ITGA9: variants seen among roughly 807,000 people sequenced by gnomAD.
ITGA9 encodes integrin alpha-9.
A neutral mutation model predicts 127.8 loss-of-function variants in ITGA9; 56 were observed. The ratio of observed to expected loss-of-function variants is 0.44; its 90% CI spans 0.35 to 0.55. The LOEUF (loss-of-function observed/expected upper bound fraction) is 0.55, where lower values mean the gene tolerates loss of function less well. ITGA9 is among the 20% of genes least tolerant of loss of function. The pLI, the probability that ITGA9 is intolerant of heterozygous loss-of-function variation, is 0.00. For missense variants in ITGA9, 1,196 were observed against 1,347.1 expected, an observed-to-expected ratio of 0.89 and a Z score of 1.76; for synonymous variants, 508 against 514.5, an observed-to-expected ratio of 0.99 and a Z score of 0.17.
chr3:37,648,696 T>G (rs1234274541), intron 16 of ITGA9, among the ~76,000 whole-genome samples: 2 of 151,896 alleles, frequency 1.3e-5, no homozygotes, highest in Non-Finnish European at 2.9e-5. Context: ...AACCTGTGCT[T>G]CTCAAGTTGA....
intron 25 of ITGA9, among the ~76,000 whole-genome samples, chr3:37,783,317 A>G (rs1365435654): frequency 1.3e-5 from 2 of 151,944 alleles, no homozygotes; most frequent in African/African-American, 4.8e-5. Context: ...ATCCAAGTTT[A>G]TTTTTATTTA....
At chr3:37,518,509 A>G (rs1248257678) in intron 10 of ITGA9, among the ~76,000 whole-genome samples, 2 of 152,204 alleles carry the variant, frequency 1.3e-5, no homozygotes, top group African/African-American at 4.8e-5. Context: ...TGTGAAGTGA[A>G]TGCCCTTCTG....
At chr3:37,538,744 C>T (rs1258202794) in intron 14 of ITGA9, among the ~76,000 whole-genome samples, 1 of 152,236 alleles carries the variant, frequency 6.6e-6, no homozygotes, top group Non-Finnish European at 1.5e-5. Context: ...GAGTGGTCAG[C>T]ATTTCTTCTT....
chr3:37,481,336 A>G, intron 3 of ITGA9, 148 bp from the exon 4 acceptor site: 1 of 1,015,044 alleles, frequency 9.9e-7, no homozygotes, highest in South Asian at 1.3e-5. Context: ...TCTGATGCCC[A>G]GAAAAGTGCC....
At chr3:37,666,548 C>T (rs947713522) in intron 17 of ITGA9, among the ~76,000 whole-genome samples, 8 of 152,186 alleles carry the variant, frequency 5.3e-5, no homozygotes, top group South Asian at 2.1e-4. Flanking sequence ...GGTTCGCTGG[C>T]GTTCCTCCGC....
At chr3:37,727,171 G>C (rs538391469) in intron 18 of ITGA9, among the ~76,000 whole-genome samples, 13 of 152,182 alleles carry the variant, frequency 8.5e-5, no homozygotes, top group Non-Finnish European at 1.8e-4. Context: ...CATCTTGAGA[G>C]TATTGTACAG....
chr3:37,509,221 C>G (rs770452125), intron 8 of ITGA9, among the ~76,000 whole-genome samples: 1 of 152,208 alleles, frequency 6.6e-6, no homozygotes, highest in Non-Finnish European at 1.5e-5. Context: ...CCCACCCTGT[C>G]CCTAATCCTC....
At chr3:37,667,186 A>G (rs895399370) in intron 17 of ITGA9, among the ~76,000 whole-genome samples, 18 of 152,176 alleles carry the variant, frequency 1.2e-4, no homozygotes, top group African/African-American at 3.9e-4. Flanking sequence ...CAGGAGTATC[A>G]TATCACCTTT....
chr3:37,533,539 T>G, intron 14 of ITGA9, 71 bp downstream of exon 14: 1 of 1,514,118 alleles, frequency 6.6e-7, no homozygotes, highest in Non-Finnish European at 9.1e-7. Flanking sequence ...ATTTCCGATG[T>G]TCCCTGTCGC....
At chr3:37,512,127 T>C (rs1698930719) in intron 8 of ITGA9, among the ~76,000 whole-genome samples, 1 of 8,366 alleles carries the variant, frequency 1.2e-4, no homozygotes, top group East Asian at 5.4e-3. Context: ...CTTCTTTCTT[T>C]TCTTTTCTTT....
intron 26 of ITGA9, among the ~76,000 whole-genome samples, chr3:37,796,691 A>T (rs1293358709): frequency 1.3e-5 from 2 of 152,226 alleles, no homozygotes; most frequent in Non-Finnish European, 2.9e-5. Context: ...CTCCACTTCA[A>T]ATCCCACATC....
rs1697490843 is a variant in ITGA9 at position 37,819,824 on chromosome 3, A to G, written c.*835A>G. The G allele has an allele frequency of 6.6e-6, 1 of 152,236 alleles. No homozygotes were observed. The highest frequency in any genetic ancestry group is 6.5e-5 in the Admixed American group (1 of 15,286). 9.4% of individuals were successfully genotyped at this position (152,236 alleles called of 1,614,324 possible). A position where few individuals can be genotyped will look rare whatever the true frequency, so the allele number is the denominator to read the frequency against. ...GCAATGCCATGTGGTCATCTGGTAA[A>G]CCTCAGAATGGCGTCTCATCCTGGA... On this transcript the variant is annotated 3_prime_UTR_variant, in exon 28 of 28. Coordinates refer to ENST00000264741, the MANE Select transcript of ITGA9 (RefSeq NM_002207.3).
At chr3:37,741,316 G>C (rs1455048876) in intron 20 of ITGA9, among the ~76,000 whole-genome samples, 1 of 149,134 alleles carries the variant, frequency 6.7e-6, no homozygotes, top group Admixed American at 6.7e-5. Context: ...CAGCTCTCAG[G>C]AGTCAGTGGA....
intron 26 of ITGA9, among the ~76,000 whole-genome samples, chr3:37,800,668 C>T (rs975154697): frequency 6.6e-6 from 1 of 152,194 alleles, no homozygotes; most frequent in African/African-American, 2.4e-5. Context: ...CTACCACCTC[C>T]TACCAGTAAA....
chr3:37,730,188 C>T (rs538026030), intron 18 of ITGA9, among the ~76,000 whole-genome samples: 1 of 152,240 alleles, frequency 6.6e-6, no homozygotes, highest in Non-Finnish European at 1.5e-5. Flanking sequence ...TATATATTTG[C>T]TTATCCTGGG....
intron 8 of ITGA9, among the ~76,000 whole-genome samples, chr3:37,512,970 T>C (rs1698948034): frequency 6.6e-6 from 1 of 152,244 alleles, no homozygotes; most frequent in South Asian, 2.1e-4. Context: ...CTTGCTCTGT[T>C]CCCTCATCAG....
chr3:37,685,014 GCT>G lies in ITGA9; in HGVS notation c.2067+1002_2067+1003del, dbSNP rs373561877. Among the ~76,000 whole-genome samples the G allele has an allele frequency of 1.9e-3, 290 of 152,278 alleles. 2 individuals carry two copies. Among genetic ancestry groups the G allele is most frequent in the African/African-American group, 6.8e-3 (281 of 41,558 alleles). On this transcript the variant is annotated intron_variant, in intron 18 of 27. Transcript: ENST00000264741. ...AGTCGACTCTGCTCTACCCAGTGTT[GCT>G]CTAACTGCTGATAGCTGTTCAGCTG...
intron 16 of ITGA9, among the ~76,000 whole-genome samples, chr3:37,652,808 A>G (rs1183210071): frequency 3.3e-5 from 5 of 152,198 alleles, no homozygotes; most frequent in Non-Finnish European, 7.3e-5. Context: ...GCCATCTAAC[A>G]GTAGTGAAGA....
chr3:37,496,167 A>G (rs953548816), intron 5 of ITGA9, among the ~76,000 whole-genome samples: 1 of 152,214 alleles, frequency 6.6e-6, no homozygotes, highest in African/African-American at 2.4e-5. Flanking sequence ...AGTTGGCAAT[A>G]TAGTGTCTGA....
Sources: allele counts gnomAD v4.1 joint callset (sites outside exome capture counted in the v4.1 genomes callset), GRCh38; gene constraint gnomAD v4.1.1; transcripts MANE v1.5; gene names NCBI Gene and HGNC (gene_info 2026-07-23, HGNC 2026-07-21).